Variants in ZMYM4 observed in about 807,000 individuals in gnomAD.
ZMYM4 encodes zinc finger MYM-type protein 4.
Under a neutral mutation model 183.2 loss-of-function variants are expected in ZMYM4, and 31 were observed. That is an observed-to-expected ratio of 0.17 (90% CI 0.13 to 0.23). The LOEUF is 0.23. ZMYM4 is among the 10% of genes least tolerant of loss of function. The pLI is 1.00. For synonymous variants in ZMYM4, 592 were observed against 631.2 expected (o/e 0.94, Z 0.93); for missense variants, 1,273 against 1,840.3 (o/e 0.69, Z 5.64).
At chr1:35,374,094 C>T (rs1465575460) in intron 7 of ZMYM4, among the ~76,000 whole-genome samples, 4 of 135,634 alleles carry the variant, frequency 2.9e-5, no homozygotes, top group Admixed American at 2.4e-4. Flanking sequence ...TGCAATGGCA[C>T]GATCTTGGCT....
At chr1:35,372,596 G>A (rs1330518612) in intron 7 of ZMYM4, among the ~76,000 whole-genome samples, 1 of 152,142 alleles carries the variant, frequency 6.6e-6, no homozygotes, top group South Asian at 2.1e-4. Flanking sequence ...GTGTGTATGT[G>A]TATACACACA....
chr1:35,376,503 C>T (rs1403064985), intron 7 of ZMYM4, among the ~76,000 whole-genome samples: 1 of 151,960 alleles, frequency 6.6e-6, no homozygotes, highest in Non-Finnish European at 1.5e-5. Context: ...GCACGTTATT[C>T]GTGTCTTCTC....
rs1331559141 is a variant in ZMYM4, at chr1:35,381,251, A to T, written c.1182-8A>T. 35 of 1,560,510 alleles carry T rather than the reference A, an allele frequency of 2.2e-5. No homozygotes were observed. Among genetic ancestry groups the T allele is most frequent in the Admixed American group, 1.0e-4 (5 of 48,372 alleles). On this transcript the variant is annotated splice_region_variant and splice_polypyrimidine_tract_variant and intron_variant, in intron 7 of 29. Transcript: ENST00000314607. The stretch of plus-strand genomic sequence containing the variant: ...CCATGGCTTATGTTATTTTTTTCTT[A>T]TTTTTAGAGACATTTTAAATCCAAA...
intron 2 of ZMYM4, among the ~76,000 whole-genome samples, chr1:35,336,707 T>C (rs1317628208): frequency 1.3e-5 from 2 of 152,030 alleles, no homozygotes; most frequent in African/African-American, 4.8e-5. Context: ...ACCCAGCCAA[T>C]TACCTTCATT....
chr1:35,386,945 A>G (rs1001036055), intron 11 of ZMYM4, 58 bp from the exon 12 acceptor site: 100 of 1,542,532 alleles, frequency 6.5e-5, no homozygotes, highest in Non-Finnish European at 8.1e-5. Flanking sequence ...TAGGCACACA[A>G]TACTTCTTTG....
At position 35,419,730 on chromosome 1, in the gene ZMYM4, A is replaced by G; in HGVS notation, c.*53A>G. The stretch of plus-strand genomic sequence containing the variant: ...CATATTGGTATGCACCAAACTGTGA[A>G]TGCATCCAGCTGTTGGAAAATGATG... On this transcript the variant is annotated 3_prime_UTR_variant, in exon 30 of 30. Transcript: ENST00000314607. The G allele has an allele frequency of 6.4e-7, 1 of 1,563,426 alleles. No homozygotes were observed. Among genetic ancestry groups the G allele is most frequent in the African/African-American group, 1.4e-5 (1 of 73,742 alleles).
chr1:35,349,309 A>G (rs1643510314), intron 2 of ZMYM4, among the ~76,000 whole-genome samples: 1 of 152,170 alleles, frequency 6.6e-6, no homozygotes, highest in Non-Finnish European at 1.5e-5. Context: ...TAAGAAAGAC[A>G]TATTAGTATA....
At chr1:35,305,079 C>T (rs1248542370) in intron 1 of ZMYM4, among the ~76,000 whole-genome samples, 3 of 152,044 alleles carry the variant, frequency 2.0e-5, no homozygotes, top group Admixed American at 6.6e-5. Context: ...TTCCTGACCT[C>T]GTGATCCATC....
At chr1:35,291,681 C>T (rs12060007) in intron 1 of ZMYM4, among the ~76,000 whole-genome samples, 7,913 of 149,462 alleles carry the variant, frequency 0.053, 812 homozygotes, top group East Asian at 0.44. Flanking sequence ...CTTGTCACCC[C>T]GGCTGGAGTG....
rs549322147 is a variant in ZMYM4, at chr1:35,404,929, C to T, written c.3529-94C>T. 3 of 1,271,128 alleles carry T rather than the reference C, an allele frequency of 2.4e-6. No individual in the cohort carries two copies. In the East Asian group the frequency reaches 7.3e-5, roughly 31 times the overall value. The allele number at this position is 1,271,128 out of a possible 1,614,324, so 78.7% of individuals were successfully genotyped here. On this transcript the variant is annotated intron_variant, in intron 23 of 29. Coordinates refer to ENST00000314607, the MANE Select transcript of ZMYM4 (RefSeq NM_005095.3). Reference sequence around the variant, plus strand: ...AGGATATAAAACTAAATTCTTTATTCTACAAATGTATACCCTTTCCAGCTT... The same window carrying T: ...AGGATATAAAACTAAATTCTTTATTTTACAAATGTATACCCTTTCCAGCTT...
chr1:35,410,481 T>A (rs1280933502), intron 26 of ZMYM4, among the ~76,000 whole-genome samples: 2 of 151,502 alleles, frequency 1.3e-5, no homozygotes, highest in Non-Finnish European at 2.9e-5. Flanking sequence ...TTTATCTGTT[T>A]ATTAATTAAT....
chr1:35,346,550 C>T (rs1382904860), intron 2 of ZMYM4, among the ~76,000 whole-genome samples: 5 of 147,870 alleles, frequency 3.4e-5, no homozygotes, highest in African/African-American at 1.3e-4. Flanking sequence ...ACTGAGGGAG[C>T]TGAGGCAGGA....
At chr1:35,387,724 C>G in intron 13 of ZMYM4, 120 bp downstream of exon 13, 1 of 1,036,784 alleles carries the variant, frequency 9.6e-7, no homozygotes, top group South Asian at 2.2e-5. Flanking sequence ...AACGTAAATG[C>G]CTTTTCGATT....
At chr1:35,303,984 T>C (rs1641408696) in intron 1 of ZMYM4, among the ~76,000 whole-genome samples, 1 of 152,202 alleles carries the variant, frequency 6.6e-6, no homozygotes, top group Non-Finnish European at 1.5e-5. Context: ...AAATATTTAC[T>C]GAGTTTTCTC....
rs552878153 is a variant in ZMYM4, at chr1:35,343,726, G to A, written c.86-15199G>A. Among the ~76,000 whole-genome samples, 5 of 151,962 alleles carry A rather than the reference G, an allele frequency of 3.3e-5. No individual in the cohort carries two copies. In the East Asian group the frequency reaches 7.8e-4, roughly 24 times the overall value. ...CTAAAAATACAAAAATTAGCTTTGC[G>A]CAGTGACGGGCACCTGTAATCCCAG... On this transcript the variant is annotated intron_variant, in intron 2 of 29. Transcript: ENST00000314607.
intron 1 of ZMYM4, among the ~76,000 whole-genome samples, chr1:35,277,380 G>A (rs1453604504): frequency 6.6e-6 from 1 of 152,150 alleles, no homozygotes; most frequent in Non-Finnish European, 1.5e-5. Flanking sequence ...GAAAGGGGGT[G>A]CTATAATGAT....
intron 2 of ZMYM4, among the ~76,000 whole-genome samples, chr1:35,341,470 G>GT (rs1643198639): frequency 6.6e-6 from 1 of 151,728 alleles, no homozygotes; most frequent in Non-Finnish European, 1.5e-5. Context: ...GCTTTTTCTT[G>GT]TATCAGTTGT....
intron 2 of ZMYM4, among the ~76,000 whole-genome samples, chr1:35,332,919 A>G (rs1642816610): frequency 6.6e-6 from 1 of 152,062 alleles, no homozygotes; most frequent in Non-Finnish European, 1.5e-5. Flanking sequence ...CTGGTGCATC[A>G]TCTTTTCTGA....
intron 2 of ZMYM4, among the ~76,000 whole-genome samples, chr1:35,355,671 A>C (rs995528923): frequency 6.6e-6 from 1 of 152,040 alleles, no homozygotes; most frequent in Non-Finnish European, 1.5e-5. Context: ...TTGATCTTTT[A>C]TATTTTTATT....
Sources: gnomAD v4.1 joint callset for allele counts (sites outside exome capture counted in the v4.1 genomes callset) on GRCh38, gnomAD v4.1.1 for gene constraint, MANE v1.5 for transcripts, NCBI Gene and HGNC (gene_info 2026-07-23, HGNC 2026-07-21) for gene names.